POGLUT2: variants seen among roughly 807,000 people sequenced by gnomAD.
The protein encoded by POGLUT2 is ER protein 58.
A neutral mutation model predicts 57.6 loss-of-function variants in POGLUT2; 47 were observed. The ratio of observed to expected loss-of-function variants is 0.82; its 90% CI spans 0.65 to 1.04. The LOEUF is 1.04. Ranked by LOEUF, POGLUT2 falls within the 50% of genes least tolerant of loss-of-function variation. The pLI is 0.00. For missense variants in POGLUT2, 565 were observed against 614.8 expected (o/e 0.92, Z 0.86); for synonymous variants, 200 against 218.8 (o/e 0.91, Z 0.76).
chr13:102,798,227 T>C (rs187257150), intron 1 of POGLUT2, among the ~76,000 whole-genome samples: 51 of 152,300 alleles, frequency 3.3e-4, no homozygotes, highest in Middle Eastern at 3.4e-3. Context: ...TCCAGCAAAG[T>C]GGAGGGACTT....
chr13:102,787,695 T>C, intron 8 of POGLUT2, 139 bp downstream of exon 8: 1 of 446,746 alleles, frequency 2.2e-6, no homozygotes, highest in Non-Finnish European at 3.9e-6. Flanking sequence ...TTACTTAATA[T>C]TTGTCTCTGA....
rs878899911 is a variant in POGLUT2 at position 102,798,754 on chromosome 13, A to C, written c.-84T>G. The C allele has an allele frequency of 1.5e-5, 20 of 1,349,544 alleles. No individual in the cohort carries two copies. Among genetic ancestry groups the C allele is most frequent in the East Asian group, 5.3e-5 (2 of 37,502 alleles). The allele number at this position is 1,349,544 out of a possible 1,614,324, so 83.6% of individuals were successfully genotyped here. Reference sequence around the variant, plus strand: ...AGAAGCAGCCGAGCCTTCGGCAGGGACCCGCCGGCCGATCGCAGCAGCCAA... The same window carrying C: ...AGAAGCAGCCGAGCCTTCGGCAGGGCCCCGCCGGCCGATCGCAGCAGCCAA... On this transcript the variant is annotated 5_prime_UTR_variant, in exon 1 of 10. Coordinates refer to ENST00000376004, the MANE Select transcript of POGLUT2 (RefSeq NM_024089.3).
rs991581256 is a variant in POGLUT2, at chr13:102,793,700, T to G, written c.495A>C (p.Ala165=). The change falls in exon 3 of 10, where the codon GCA becomes GCC. Residue 165 remains alanine, a synonymous_variant. Transcript: ENST00000376004. The part of the protein sequence containing the change: ...ETIAQIQRDL[A]HFPAVDPEKI... The stretch of plus-strand genomic sequence containing the variant: ...TTTCTGGATCCACAGCAGGGAAATG[T>G]GCCAGATCTCTCTGAATCTGAGCAA... The G allele has an allele frequency of 6.2e-7, 1 of 1,614,062 alleles. No homozygotes were observed. Among genetic ancestry groups the G allele is most frequent in the African/African-American group, 1.3e-5 (1 of 74,942 alleles).
At chr13:102,787,080 CTT>C (rs1332656560) in intron 8 of POGLUT2, among the ~76,000 whole-genome samples, 17 of 151,628 alleles carry the variant, frequency 1.1e-4, no homozygotes, top group Admixed American at 1.1e-3. Context: ...GAATCTCACT[CTT>C]GTCACCCAGG....
chr13:102,785,087 G>A (rs956000444), intron 9 of POGLUT2, among the ~76,000 whole-genome samples: 4 of 152,158 alleles, frequency 2.6e-5, no homozygotes, highest in African/African-American at 9.7e-5. Context: ...AACCACCTCT[G>A]AGGGCCAGTT....
intron 2 of POGLUT2, among the ~76,000 whole-genome samples, chr13:102,796,293 CAAA>C (rs151064207): frequency 4.0e-5 from 4 of 100,740 alleles, no homozygotes; most frequent in African/African-American, 1.5e-4. Flanking sequence ...GACTCTGCCT[CAAA>C]AAAAAAAAAA....
intron 2 of POGLUT2, among the ~76,000 whole-genome samples, chr13:102,796,452 T>C (rs1878393250): frequency 1.3e-5 from 2 of 151,370 alleles, no homozygotes; most frequent in Admixed American, 1.3e-4. Context: ...CTAATTTCAA[T>C]AACACTTATC....
chr13:102,798,147 A>G (rs1177665564), intron 1 of POGLUT2, among the ~76,000 whole-genome samples: 2 of 152,228 alleles, frequency 1.3e-5, no homozygotes, highest in Middle Eastern at 3.2e-3. Flanking sequence ...GATGAAGCCC[A>G]TCAAGTCTCT....
intron 1 of POGLUT2, 25 bp downstream of exon 1, chr13:102,798,464 G>C (rs995660517): frequency 5.3e-6 from 8 of 1,521,018 alleles, no homozygotes; most frequent in Non-Finnish European, 7.1e-6. Flanking sequence ...ATCCAAAATA[G>C]GTAAGGAGCC....
At chr13:102,785,451 TACACACACAC>T (rs56102018) in intron 9 of POGLUT2, among the ~76,000 whole-genome samples, 16,941 of 148,484 alleles carry the variant, frequency 0.11, 1,192 homozygotes, top group Middle Eastern at 0.17. Context: ...CAGCATATGT[TACACACACAC>T]ACACACACAC....
rs1197678805 is a variant in POGLUT2, at chr13:102,786,276, G to C, written c.1447C>G (p.Gln483Glu). 1.9e-6 allele frequency: 3 copies of C among 1,613,978 alleles called. No homozygotes were observed. The Admixed American group carries it at 5.0e-5, about 27-fold the overall frequency. ...IREGMKRVEPQTEDDLFPCTC... is the reference protein window; with the variant it reads ...IREGMKRVEPETEDDLFPCTC... ...CAAGGGAAGAGGTCGTCCTCAGTCTGTGGTTCTACCCTTTTCATGCCCTCT... is the reference window on the plus strand; with the variant it reads ...CAAGGGAAGAGGTCGTCCTCAGTCTCTGGTTCTACCCTTTTCATGCCCTCT... The change falls in exon 9 of 10, where the codon CAG (glutamine) becomes GAG (glutamate). Residue 483 changes from glutamine (Q) to glutamate (E), a missense_variant. Physicochemically the swap from Gln to Glu is conservative, Grantham distance 29 (BLOSUM62 2). Transcript: ENST00000376004.
At chr13:102,790,401 G>A (rs1264417703) in intron 6 of POGLUT2, among the ~76,000 whole-genome samples, 2 of 152,132 alleles carry the variant, frequency 1.3e-5, no homozygotes, top group Non-Finnish European at 2.9e-5. Context: ...GTTAGAAAAA[G>A]GACTACTCCC....
intron 6 of POGLUT2, 142 bp downstream of exon 6, chr13:102,790,759 A>AC (rs1442715888): frequency 1.6e-6 from 1 of 637,062 alleles, no homozygotes; most frequent in Admixed American, 2.7e-5. Context: ...AGTCCCCAGC[A>AC]CCCCCATGTC....
At chr13:102,787,129 T>A (rs547618238) in intron 8 of POGLUT2, among the ~76,000 whole-genome samples, 5 of 152,014 alleles carry the variant, frequency 3.3e-5, no homozygotes, top group Admixed American at 2.0e-4. Flanking sequence ...TCACTGTAAC[T>A]TCCACCTCCC....
At chr13:102,788,706 G>C (rs1412224896) in intron 7 of POGLUT2, among the ~76,000 whole-genome samples, 1 of 152,182 alleles carries the variant, frequency 6.6e-6, no homozygotes, top group Non-Finnish European at 1.5e-5. Context: ...GGCTGGTCTT[G>C]AACTCCTGAC....
chr13:102,792,001 A>G, intron 4 of POGLUT2: 1 of 1,289,778 alleles, frequency 7.8e-7, no homozygotes, highest in African/African-American at 1.5e-5. Flanking sequence ...GACCAGTCTG[A>G]GAAGCATCTT....
chr13:102,791,029 G>A lies in POGLUT2; in HGVS notation c.955C>T (p.Leu319=). ...GRDSRKERLE[L]VKLSRKHPEL... Reference sequence around the variant, plus strand: ...GGGTGTTTTCTACTGAGTTTAACCAGCTCGAGTCTCTCTTTGCGGCTGTCT... The same window carrying A: ...GGGTGTTTTCTACTGAGTTTAACCAACTCGAGTCTCTCTTTGCGGCTGTCT... The change falls in exon 6 of 10, where the codon CTG becomes TTG. Residue 319 remains leucine (L), a synonymous_variant. Transcript: ENST00000376004. 1.2e-6 allele frequency: 2 copies of A among 1,614,120 alleles called. 1 individual carries two copies. Among genetic ancestry groups the A allele is most frequent in the Middle Eastern group, 3.3e-4 (2 of 6,062 alleles).
At chr13:102,791,622 T>C (rs1266020320) in intron 4 of POGLUT2, among the ~76,000 whole-genome samples, 192 bp from the exon 5 acceptor site, 1 of 152,220 alleles carries the variant, frequency 6.6e-6, no homozygotes, top group Non-Finnish European at 1.5e-5. Flanking sequence ...CTATGCTCCC[T>C]ATGAAAGGGA....
At chr13:102,784,954 T>G (rs560360348) in intron 9 of POGLUT2, among the ~76,000 whole-genome samples, 1 of 152,330 alleles carries the variant, frequency 6.6e-6, no homozygotes, top group South Asian at 2.1e-4. Flanking sequence ...AAGTGAGAAG[T>G]GTTCTGATAC....
Sources: gnomAD v4.1 joint callset for allele counts (sites outside exome capture counted in the v4.1 genomes callset) on GRCh38, gnomAD v4.1.1 for gene constraint, MANE v1.5 for transcripts, NCBI Gene and HGNC (gene_info 2026-07-23, HGNC 2026-07-21) for gene names.